The following TTC7A variants were observed in gnomAD, a reference collection of about 807,000 sequenced individuals.
TTC7A encodes tetratricopeptide repeat protein 7A.
A neutral mutation model predicts 103.7 loss-of-function variants in TTC7A; 110 were observed. The observed-to-expected ratio is 1.06, with a 90% CI of 0.91 to 1.24. The LOEUF (loss-of-function observed/expected upper bound fraction) is 1.24, where lower values mean the gene tolerates loss of function less well. TTC7A is among the 50% of genes most tolerant of loss of function. The pLI is 0.00. For synonymous variants in TTC7A, 521 were observed against 467.9 expected (o/e 1.11, Z -1.47); for missense variants, 1,340 against 1,116.3 (o/e 1.20, Z -2.86).
intron 3 of TTC7A, chr2:46,958,593 A>G: frequency 7.8e-7 from 1 of 1,275,356 alleles, no homozygotes; most frequent in Non-Finnish European, 1.0e-6. Context: ...GCTTGGTCTC[A>G]GGCTGTGCTA....
rs753501750 is a variant in TTC7A, at chr2:46,978,802, A to G, written c.659A>G (p.Asn220Ser). Residue 220 changes from asparagine (N) to serine (S), a missense_variant, in exon 5 of 20, where the codon AAC becomes AGC. Physicochemically the swap from Asn to Ser is conservative, Grantham distance 46 (BLOSUM62 1). Coordinates refer to ENST00000319190, the MANE Select transcript of TTC7A (RefSeq NM_020458.4). ...FLQELEKTTNNSTSRHLKGCH... is the reference protein window; with the variant it reads ...FLQELEKTTNSSTSRHLKGCH... The stretch of plus-strand genomic sequence containing the variant: ...TGTTTCCCTTCCCAGACCACAAATA[A>G]CAGCACGTCGAGGCATCTGAAAGGC... 1 of 1,613,710 alleles carries G rather than the reference A, an allele frequency of 6.2e-7. No individual in the cohort carries two copies. The highest frequency in any genetic ancestry group is 1.7e-5 in the Admixed American group (1 of 59,988).
chr2:47,017,404 G>T (rs1011725079), intron 11 of TTC7A, among the ~76,000 whole-genome samples: 1 of 151,586 alleles, frequency 6.6e-6, no homozygotes, highest in African/African-American at 2.4e-5. Context: ...TGGTGCAATG[G>T]TGCGTGCCTG....
chr2:47,072,824 C>T (rs1222152991), intron 19 of TTC7A, among the ~76,000 whole-genome samples: 1 of 152,162 alleles, frequency 6.6e-6, no homozygotes, highest in Non-Finnish European at 1.5e-5. Context: ...CTGCCCTCTC[C>T]CTCCACTCAC....
rs1685162327 is a variant in TTC7A at position 47,075,732 on chromosome 2, C to T, written c.*1809C>T. The T allele has an allele frequency of 6.6e-6, 1 of 152,430 alleles. No homozygotes were observed. Among genetic ancestry groups the T allele is most frequent in the African/African-American group, 2.4e-5 (1 of 41,454 alleles). The allele number at this position is 152,430 out of a possible 1,614,324, so 9.4% of individuals were successfully genotyped here. ...GAAAGGAAGGATGGGAGGGAGGACC[C>T]TCTGGGAAAATGTGGATTTGAGCTG... On this transcript the variant is annotated 3_prime_UTR_variant, in exon 20 of 20. Coordinates refer to ENST00000319190, the MANE Select transcript of TTC7A (RefSeq NM_020458.4).
intron 3 of TTC7A, among the ~76,000 whole-genome samples, chr2:46,969,799 C>T (rs544153128): frequency 6.6e-6 from 1 of 152,306 alleles, no homozygotes; most frequent in South Asian, 2.1e-4. Context: ...ATGCATCCGT[C>T]TGCATGCTTC....
rs3816066 is a variant in TTC7A, at chr2:47,050,068, C to T, written c.2017+22C>T. 1.9e-6 allele frequency: 3 copies of T among 1,588,748 alleles called. No homozygotes were observed. In the South Asian group the frequency reaches 3.3e-5, roughly 18 times the overall value. ...TCTGGTAAGAACGAGCTCCTTGGGC[C>T]ACTGTGTGCATGGACCCACAGCTCA... On this transcript the variant is annotated intron_variant, in intron 17 of 19. Coordinates refer to ENST00000319190, the MANE Select transcript of TTC7A (RefSeq NM_020458.4).
At chr2:46,968,005 G>C (rs1673006955) in intron 3 of TTC7A, among the ~76,000 whole-genome samples, 1 of 152,132 alleles carries the variant, frequency 6.6e-6, no homozygotes, top group Admixed American at 6.5e-5. Context: ...GGGTAGGTGG[G>C]AGGGAAGGGG....
intron 18 of TTC7A, among the ~76,000 whole-genome samples, chr2:47,054,647 A>G (rs761546572): frequency 1.3e-5 from 2 of 152,150 alleles, no homozygotes; most frequent in African/African-American, 2.4e-5. Flanking sequence ...AACCCAGGCA[A>G]CATGGTAAAA....
intron 19 of TTC7A, among the ~76,000 whole-genome samples, chr2:47,063,652 C>T (rs6750227): frequency 0.17 from 26,187 of 152,164 alleles, 3,552 homozygotes; most frequent in East Asian, 0.65. Flanking sequence ...CAGGGCAGGC[C>T]CCCAGGGAGG....
At chr2:46,977,882 T>G (rs1312542701) in intron 4 of TTC7A, among the ~76,000 whole-genome samples, 8 of 152,232 alleles carry the variant, frequency 5.3e-5, no homozygotes. Flanking sequence ...ATTGACACTT[T>G]TGACCTTAGA....
At chr2:47,037,673 C>G (rs1205986013) in intron 15 of TTC7A, among the ~76,000 whole-genome samples, 1 of 152,176 alleles carries the variant, frequency 6.6e-6, no homozygotes, top group Non-Finnish European at 1.5e-5. Flanking sequence ...TCCAGCCGGG[C>G]ACTGCTGTGG....
intron 5 of TTC7A, among the ~76,000 whole-genome samples, chr2:46,983,083 T>A (rs1674635681): frequency 6.6e-6 from 1 of 152,248 alleles, no homozygotes; most frequent in Non-Finnish European, 1.5e-5. Flanking sequence ...CTGGACAGGC[T>A]GCTGGCCCAA....
At position 46,962,779 on chromosome 2, in the gene TTC7A, C is replaced by G. The variant is rs574384153; in HGVS notation, c.517+5772C>G. Among the ~76,000 whole-genome samples, 5 of 152,348 alleles carry G rather than the reference C, an allele frequency of 3.3e-5. No homozygotes were observed. The South Asian group carries it at 1.0e-3, about 32-fold the overall frequency. Reference sequence around the variant, plus strand: ...CCAGAAAAGGCCATTTGTGAAGAGTCCCCTCTGGGCTGCTGCTTCTGGGCA... The same window carrying G: ...CCAGAAAAGGCCATTTGTGAAGAGTGCCCTCTGGGCTGCTGCTTCTGGGCA... On this transcript the variant is annotated intron_variant, in intron 3 of 19. Transcript: ENST00000319190.
intron 1 of TTC7A, among the ~76,000 whole-genome samples, chr2:46,948,238 A>C (rs2103950691): frequency 6.6e-6 from 1 of 152,290 alleles, no homozygotes; most frequent in East Asian, 1.9e-4. Context: ...CTCTGACTTC[A>C]AACCCCACCC....
chr2:46,994,362 G>T lies in TTC7A; in HGVS notation c.849G>T (p.Ala283=). Residue 283 remains alanine, a synonymous_variant, in exon 7 of 20, where the codon GCG becomes GCT. Transcript: ENST00000319190. ...AGTGCTTCCCTCTCTGCCAGATGGC[G>T]GCCAAGCACCTGGCGGGGGTCCTGC... ...TKATQNFKVM[A]AKHLAGVLLH... is the part of the protein sequence containing the mutation. The T allele has an allele frequency of 6.2e-7, 1 of 1,612,210 alleles. No individual in the cohort carries two copies.
intron 15 of TTC7A, among the ~76,000 whole-genome samples, chr2:47,039,407 T>G (rs1040348548): frequency 2.6e-5 from 4 of 152,180 alleles, no homozygotes; most frequent in African/African-American, 9.7e-5. Context: ...AAGAGTGGTG[T>G]GCTGGGGTGA....
At chr2:46,939,022 A>G (rs1005481197), upstream of TTC7A, among the ~76,000 whole-genome samples, 3 of 151,976 alleles carry the variant, frequency 2.0e-5, no homozygotes, top group Admixed American at 1.3e-4. Context: ...AAAAAAAAAA[A>G]AAAAAGTACT....
intron 2 of TTC7A, among the ~76,000 whole-genome samples, chr2:46,919,786 C>G (rs530592851): frequency 4.6e-5 from 7 of 152,350 alleles, no homozygotes; most frequent in African/African-American, 1.7e-4. Context: ...GATTCTCCAA[C>G]TGAGAACTTA....
At chr2:47,035,052 C>G (rs1200529226) in intron 15 of TTC7A, among the ~76,000 whole-genome samples, 1 of 152,230 alleles carries the variant, frequency 6.6e-6, no homozygotes, top group Non-Finnish European at 1.5e-5. Context: ...CTCAAGGGCA[C>G]TCCTGGGATC....
Sources: gnomAD v4.1 joint callset for allele counts (sites outside exome capture counted in the v4.1 genomes callset) on GRCh38, gnomAD v4.1.1 for gene constraint, MANE v1.5 for transcripts, NCBI Gene and HGNC (gene_info 2026-07-23, HGNC 2026-07-21) for gene names.